CHAT: variants seen among roughly 807,000 people sequenced by gnomAD.
The protein encoded by CHAT is acetyl CoA:choline O-acetyltransferase.
Under a neutral mutation model 76.9 loss-of-function variants are expected in CHAT, and 61 were observed. The observed-to-expected ratio is 0.79, with a 90% CI of 0.65 to 0.98. The LOEUF is 0.98. CHAT is among the 50% of genes least tolerant of loss of function. CHAT has a pLI of 0.00. For synonymous variants in CHAT, 407 were observed against 397.4 expected (o/e 1.02, Z -0.29); for missense variants, 946 against 986.9 (o/e 0.96, Z 0.56).
At chr10:49,613,923 T>G (rs1838372270), upstream of CHAT, 21 of 572,330 alleles carry the variant, frequency 3.7e-5, no homozygotes, top group African/African-American at 3.8e-5. Flanking sequence ...CTGGCCTGGA[T>G]GGTGGGGAGA....
intron 1 of CHAT, among the ~76,000 whole-genome samples, chr10:49,615,110 C>G (rs1838437191): frequency 6.8e-6 from 1 of 147,066 alleles, no homozygotes; most frequent in Admixed American, 6.8e-5. Context: ...CCAGCTCTGC[C>G]TTCTTCAAGC....
chr10:49,615,168 G>C (rs1838442293), intron 1 of CHAT, among the ~76,000 whole-genome samples: 2 of 152,168 alleles, frequency 1.3e-5, no homozygotes, highest in South Asian at 4.2e-4. Context: ...GGGGGGAGGG[G>C]GGGGCTCTGG....
rs1002154861 is a variant in CHAT at position 49,667,195 on chromosome 10, G to T, written c.*2149G>T. Reference sequence around the variant, plus strand: ...AGTAGCTAATGTCTAAAAGACACAGGGGCCAGGAGAGAAAAGGGAGGAAAG... The same window carrying T: ...AGTAGCTAATGTCTAAAAGACACAGTGGCCAGGAGAGAAAAGGGAGGAAAG... On this transcript the variant is annotated 3_prime_UTR_variant, in exon 15 of 15. Transcript: ENST00000337653. Among the ~76,000 whole-genome samples the T allele has an allele frequency of 6.6e-6, 1 of 152,154 alleles. No homozygotes were observed. The highest frequency in any genetic ancestry group is 1.5e-5 in the Non-Finnish European group (1 of 68,040).
At chr10:49,655,019 A>T in intron 11 of CHAT, 76 bp from the exon 12 acceptor site, 5 of 1,510,188 alleles carry the variant, frequency 3.3e-6, no homozygotes, top group Non-Finnish European at 4.6e-6. Flanking sequence ...AAGCTTGCTG[A>T]GGCAATTTTT....
upstream of CHAT, among the ~76,000 whole-genome samples, chr10:49,613,716 C>T (rs1376714939): frequency 6.6e-6 from 1 of 152,068 alleles, no homozygotes; most frequent in Non-Finnish European, 1.5e-5. Flanking sequence ...GGAGAGCCTG[C>T]CTCTTGCCGC....
chr10:49,648,894 C>G (rs1839775672), intron 9 of CHAT, among the ~76,000 whole-genome samples: 1 of 152,130 alleles, frequency 6.6e-6, no homozygotes. Flanking sequence ...AGAGGGGAAG[C>G]CTACATCGAT....
At chr10:49,650,456 C>T (rs1455339659) in intron 10 of CHAT, among the ~76,000 whole-genome samples, 2 of 152,064 alleles carry the variant, frequency 1.3e-5, no homozygotes, top group South Asian at 2.1e-4. Context: ...CTTGTAGAGA[C>T]GGGCCTTGAA....
At chr10:49,631,968 G>C (rs554360590) in intron 7 of CHAT, among the ~76,000 whole-genome samples, 1 of 151,558 alleles carries the variant, frequency 6.6e-6, no homozygotes, top group Non-Finnish European at 1.5e-5. Flanking sequence ...TGGTTATTGG[G>C]GGGGTAAAAC....
chr10:49,618,973 A>G (rs1250919369), intron 2 of CHAT, among the ~76,000 whole-genome samples: 18 of 152,184 alleles, frequency 1.2e-4, no homozygotes, highest in Non-Finnish European at 1.5e-5. Flanking sequence ...TCGGAGAGGA[A>G]GGACATCCAC....
chr10:49,619,830 A>G lies in CHAT; in HGVS notation c.493A>G (p.Ile165Val). 6.2e-7 allele frequency: 1 copy of G among 1,613,970 alleles called. No individual in the cohort carries two copies. The highest frequency in any genetic ancestry group is 8.5e-7 in the Non-Finnish European group (1 of 1,179,962). Residue 165 changes from isoleucine to valine, a missense_variant, in exon 3 of 15, where the codon ATT becomes GTT. Transcript: ENST00000337653. Reference sequence around the variant, plus strand: ...GGAGCAGTTCAGGAAGAGCCAGGCCATTGTGCAGCAGTTTGGGGCCCCTGG... The same window carrying G: ...GGAGCAGTTCAGGAAGAGCCAGGCCGTTGTGCAGCAGTTTGGGGCCCCTGG... ...SEEQFRKSQA[I>V]VQQFGAPGGL... is the part of the protein sequence containing the mutation.
intron 13 of CHAT, 87 bp downstream of exon 13, chr10:49,655,535 G>C (rs953145965): frequency 8.0e-7 from 1 of 1,250,224 alleles, no homozygotes. Context: ...AAGACCCTGT[G>C]TGAGGGCCCA....
chr10:49,623,783 C>T (rs1040761013), intron 5 of CHAT, among the ~76,000 whole-genome samples: 6 of 152,196 alleles, frequency 3.9e-5, no homozygotes, highest in African/African-American at 1.4e-4. Context: ...GTCACCTGTG[C>T]TTGTTCTGCT....
chr10:49,614,362 G>A lies in CHAT; in HGVS notation c.173G>A (p.Ser58Asn). 1.3e-6 allele frequency: 2 copies of A among 1,545,320 alleles called. No individual in the cohort carries two copies. Among genetic ancestry groups the A allele is most frequent in the Non-Finnish European group, 1.7e-6 (2 of 1,145,034 alleles). ...GGCCCTGCCGGGAACCCAGGCTGCAGCCCCCACCCCCGCGCTGCGACACGC... is the reference window on the plus strand; with the variant it reads ...GGCCCTGCCGGGAACCCAGGCTGCAACCCCCACCCCCGCGCTGCGACACGC... ...VGGPAGNPGCSPHPRAATRPP... is the reference protein window; with the variant it reads ...VGGPAGNPGCNPHPRAATRPP... The change falls in exon 1 of 15, where the codon AGC becomes AAC. Residue 58 changes from serine (S) to asparagine (N), a missense_variant. Ser to Asn is a conservative substitution (Grantham distance 46). This residue lies in a region of CHAT where 548 missense variants were observed against 516.2 expected (regional missense o/e 1.06). Coordinates refer to ENST00000337653, the MANE Select transcript of CHAT (RefSeq NM_020549.5).
At chr10:49,629,162 A>C (rs1225161361) in intron 7 of CHAT, among the ~76,000 whole-genome samples, 2 of 152,054 alleles carry the variant, frequency 1.3e-5, no homozygotes, top group Non-Finnish European at 2.9e-5. Flanking sequence ...CCTCCTACCC[A>C]CTGCCTATAA....
chr10:49,616,974 C>T (rs1435908149), intron 2 of CHAT, among the ~76,000 whole-genome samples: 3 of 152,218 alleles, frequency 2.0e-5, no homozygotes, highest in Non-Finnish European at 2.9e-5. Context: ...CTGCAAGTCC[C>T]AGCTCCAGCT....
At chr10:49,648,993 G>A (rs1259051977) in intron 9 of CHAT, among the ~76,000 whole-genome samples, 1 of 152,084 alleles carries the variant, frequency 6.6e-6, no homozygotes, top group African/African-American at 2.4e-5. Flanking sequence ...CAAATCCCAA[G>A]GCTGGGTCCC....
intron 14 of CHAT, 39 bp from the exon 15 acceptor site, chr10:49,664,738 T>C (rs2132858186): frequency 6.2e-7 from 1 of 1,614,082 alleles, no homozygotes; most frequent in East Asian, 2.2e-5. Flanking sequence ...GCGGGCTGCA[T>C]TCCAGAACAA....
chr10:49,610,036 G>A (rs1838247756), upstream of CHAT, among the ~76,000 whole-genome samples: 1 of 151,648 alleles, frequency 6.6e-6, no homozygotes, highest in South Asian at 2.1e-4. Flanking sequence ...GGGCAGGCAG[G>A]GGGCGGGGGG....
intron 1 of CHAT, among the ~76,000 whole-genome samples, chr10:49,615,272 C>T (rs534957694): frequency 3.5e-4 from 53 of 152,194 alleles, no homozygotes; most frequent in Admixed American, 8.5e-4. Flanking sequence ...TGCCATGCTC[C>T]GGTGAATCCT....
Sources: allele counts gnomAD v4.1 joint callset (sites outside exome capture counted in the v4.1 genomes callset), GRCh38; gene constraint gnomAD v4.1.1; regional missense constraint gnomAD v4.1.1; transcripts MANE v1.5; gene names NCBI Gene and HGNC (gene_info 2026-07-23, HGNC 2026-07-21).